The following FBXL13 variants were observed in gnomAD, a reference collection of about 807,000 sequenced individuals.
The protein encoded by FBXL13 is F-box and leucine rich repeat protein 13.
In FBXL13, 67 loss-of-function variants were observed where a neutral mutation model predicts 83.6. The observed-to-expected ratio is 0.80, with a 90% CI of 0.66 to 0.98. The LOEUF is 0.98. Ranked by LOEUF, FBXL13 falls within the 50% of genes least tolerant of loss-of-function variation. The pLI is 0.00. For missense variants in FBXL13, 822 were observed against 866.5 expected, an observed-to-expected ratio of 0.95 and a Z score of 0.64; for synonymous variants, 272 against 299.5, an observed-to-expected ratio of 0.91 and a Z score of 0.95.
rs139079601 is a variant in FBXL13, at chr7:102,884,555, T to C, written c.1009-243A>G. ...AGCCAGATGCAGCAGTGCATGCCTG[T>C]AGTCTCAGCAACTTGGGAGGCTGAG... On this transcript the variant is annotated intron_variant, in intron 11 of 19. Transcript: ENST00000313221. Among the ~76,000 whole-genome samples, 287 of 152,238 alleles carry C rather than the reference T, an allele frequency of 1.9e-3. 2 individuals carry two copies. The highest frequency in any genetic ancestry group is 6.6e-3 in the African/African-American group (273 of 41,548).
chr7:102,826,293 G>C (rs1042450565), intron 18 of FBXL13, among the ~76,000 whole-genome samples: 4 of 152,072 alleles, frequency 2.6e-5, no homozygotes, highest in African/African-American at 9.7e-5. Flanking sequence ...GTTAATAACA[G>C]GTGGTTTCAT....
intron 6 of FBXL13, among the ~76,000 whole-genome samples, chr7:102,980,592 AT>A (rs1346672285): frequency 6.6e-6 from 1 of 152,222 alleles, no homozygotes. Flanking sequence ...CTTGGCTAAC[AT>A]GGTGAAACCC....
intron 1 of FBXL13, among the ~76,000 whole-genome samples, chr7:103,072,901 T>C (rs541490011): frequency 6.6e-6 from 1 of 152,358 alleles, no homozygotes; most frequent in South Asian, 2.1e-4. Context: ...ATTCTATTAA[T>C]ATATGCCTGG....
rs751205666 is a variant in FBXL13, at chr7:102,884,205, A to G, written c.1107+9T>C. ...GACAGAAAAGTAAAGGTACTTCCCAACTACCTACTTTTACACAGTTGTCCG... is the reference window on the plus strand; with the variant it reads ...GACAGAAAAGTAAAGGTACTTCCCAGCTACCTACTTTTACACAGTTGTCCG... On this transcript the variant is annotated intron_variant, in intron 12 of 19. Transcript: ENST00000313221. 2 of 1,600,954 alleles carry G rather than the reference A, an allele frequency of 1.2e-6. No homozygotes were observed. Among genetic ancestry groups the G allele is most frequent in the Non-Finnish European group, 1.7e-6 (2 of 1,168,214 alleles).
chr7:102,994,663 T>C (rs1378831269), intron 6 of FBXL13, among the ~76,000 whole-genome samples: 1 of 152,176 alleles, frequency 6.6e-6, no homozygotes, highest in African/African-American at 2.4e-5. Context: ...TAGTTAAAAT[T>C]CCCACCCAGC....
intron 6 of FBXL13, among the ~76,000 whole-genome samples, chr7:102,969,670 C>T (rs190653360): frequency 5.3e-5 from 8 of 151,304 alleles, no homozygotes; most frequent in East Asian, 2.0e-4. Context: ...TTATTGCACA[C>T]GTCTGTAATC....
chr7:102,965,805 G>T (rs2129480126), intron 7 of FBXL13, among the ~76,000 whole-genome samples: 1 of 152,212 alleles, frequency 6.6e-6, no homozygotes, highest in African/African-American at 2.4e-5. Flanking sequence ...ATCAACAAAC[G>T]TGGTCATTTA....
chr7:102,891,765 GCATTTACTGCA>G (rs1376646173), intron 11 of FBXL13, among the ~76,000 whole-genome samples: 1 of 152,200 alleles, frequency 6.6e-6, no homozygotes, highest in Non-Finnish European at 1.5e-5. Flanking sequence ...AACTCTGTGT[GCATTTACTGCA>G]CAATGACTCA....
intron 8 of FBXL13, among the ~76,000 whole-genome samples, chr7:102,951,647 A>T (rs1016918152): frequency 6.6e-6 from 1 of 150,846 alleles, no homozygotes; most frequent in Non-Finnish European, 1.5e-5. Flanking sequence ...GTCTCTACAA[A>T]TTTTTTTTTA....
chr7:102,973,282 G>A, intron 6 of FBXL13: 1 of 476,754 alleles, frequency 2.1e-6, no homozygotes, highest in Non-Finnish European at 3.8e-6. Flanking sequence ...CAGTCCCAAG[G>A]CACAAGGCCA....
intron 11 of FBXL13, among the ~76,000 whole-genome samples, chr7:102,912,835 CA>C (rs1340795637): frequency 6.6e-6 from 1 of 152,068 alleles, no homozygotes; most frequent in Non-Finnish European, 1.5e-5. Flanking sequence ...ACTGTCTCCA[CA>C]AAAGTGGTCC....
intron 7 of FBXL13, 100 bp from the exon 9 acceptor site, chr7:102,963,765 A>C: frequency 1.7e-6 from 2 of 1,181,234 alleles, no homozygotes; most frequent in Non-Finnish European, 2.3e-6. Context: ...TAAACTAAAG[A>C]GCTTCTGTAC....
intron 16 of FBXL13, among the ~76,000 whole-genome samples, chr7:102,859,024 A>T (rs1806427079): frequency 6.6e-6 from 1 of 152,098 alleles, no homozygotes; most frequent in South Asian, 2.1e-4. Context: ...AAAAATGTTT[A>T]AAAAAAGATT....
At chr7:103,067,665 C>A (rs973506950) in intron 1 of FBXL13, among the ~76,000 whole-genome samples, 10 of 152,196 alleles carry the variant, frequency 6.6e-5, no homozygotes, top group African/African-American at 2.4e-4. Flanking sequence ...GCATCAACTG[C>A]CAGGCATGTA....
chr7:102,969,204 AT>A (rs528496420), intron 6 of FBXL13, among the ~76,000 whole-genome samples: 1 of 151,932 alleles, frequency 6.6e-6, no homozygotes, highest in Non-Finnish European at 1.5e-5. Context: ...GCCAATTTTA[AT>A]TTTTTTACCA....
rs187212601 is a variant in FBXL13 at position 102,925,468 on chromosome 7, C to A, written c.878+806G>T. ...ATTCTTTTGTTATTCTGTCCCTTCT[C>A]CTCCAAAAAAGAGAAGCAATATTCA... On this transcript the variant is annotated intron_variant, in intron 10 of 19. Transcript: ENST00000313221. Among the ~76,000 whole-genome samples, 6 of 152,184 alleles carry A rather than the reference C, an allele frequency of 3.9e-5. No homozygotes were observed. The East Asian group carries it at 1.2e-3, about 29-fold the overall frequency.
At chr7:102,980,847 C>T (rs111350595) in intron 6 of FBXL13, among the ~76,000 whole-genome samples, 1,993 of 151,672 alleles carry the variant, frequency 0.013, 25 homozygotes, top group Non-Finnish European at 0.022. Flanking sequence ...CATGACCCTG[C>T]GTTTAACAAA....
chr7:102,878,406 C>A (rs749009706), exon 15 of FBXL13: 1 of 1,608,244 alleles, frequency 6.2e-7, no homozygotes, highest in East Asian at 2.2e-5. Context: ...TATCCTCATG[C>A]TTGCAGGACC....
At chr7:102,925,272 G>A (rs1276883679) in intron 10 of FBXL13, among the ~76,000 whole-genome samples, 1 of 152,072 alleles carries the variant, frequency 6.6e-6, no homozygotes, top group Non-Finnish European at 1.5e-5. Flanking sequence ...GCATGCTCCT[G>A]TAGTCCCAGC....
Sources: gnomAD v4.1 joint callset for allele counts (sites outside exome capture counted in the v4.1 genomes callset) on GRCh38, gnomAD v4.1.1 for gene constraint, MANE v1.5 for transcripts, NCBI Gene and HGNC (gene_info 2026-07-23, HGNC 2026-07-21) for gene names.